DLGAP1: variants seen among roughly 807,000 people sequenced by gnomAD.
The protein encoded by DLGAP1 is disks large-associated protein 1.
Under a neutral mutation model 90.8 loss-of-function variants are expected in DLGAP1, and 11 were observed. That is an observed-to-expected ratio of 0.12 (90% CI 0.08 to 0.20). The LOEUF is 0.20. Among genes scored for constraint, DLGAP1 ranks in the 10% least tolerant of loss-of-function variants. The probability of loss-of-function intolerance (pLI) is 1.00; values close to 1 mark genes in which losing one functional copy is unlikely to be tolerated. For synonymous variants in DLGAP1, 558 were observed against 540.7 expected (o/e 1.03, Z -0.44); for missense variants, 1,050 against 1,333.8 (o/e 0.79, Z 3.31).
chr18:4,139,441 G>A (rs1046872522), intron 2 of DLGAP1, among the ~76,000 whole-genome samples: 5 of 151,834 alleles, frequency 3.3e-5, no homozygotes, highest in Admixed American at 2.0e-4. Flanking sequence ...AAAGTTCCTC[G>A]TTATTGATTT....
chr18:3,787,852 A>G (rs1357545951), intron 5 of DLGAP1, among the ~76,000 whole-genome samples: 5 of 152,142 alleles, frequency 3.3e-5, no homozygotes, highest in Non-Finnish European at 7.4e-5. Context: ...CTCTTGCAAA[A>G]CACAGGATGA....
intron 7 of DLGAP1, among the ~76,000 whole-genome samples, chr18:3,697,760 A>G (rs2061143654): frequency 6.6e-6 from 1 of 152,056 alleles, no homozygotes; most frequent in Admixed American, 6.6e-5. Flanking sequence ...TGTCTCATTG[A>G]TCTGTCTAAT....
chr18:3,779,018 G>A (rs2065065780), intron 5 of DLGAP1, among the ~76,000 whole-genome samples: 1 of 152,008 alleles, frequency 6.6e-6, no homozygotes, highest in Non-Finnish European at 1.5e-5. Context: ...ATCCCCCCAC[G>A]ACCCAGGCCC....
At chr18:3,792,023 C>T (rs1353211840) in intron 5 of DLGAP1, among the ~76,000 whole-genome samples, 2 of 152,252 alleles carry the variant, frequency 1.3e-5, no homozygotes, top group Non-Finnish European at 2.9e-5. Flanking sequence ...ACCCCCCACC[C>T]CACTATAGCT....
rs894727169 is a variant in DLGAP1 at position 4,342,785 on chromosome 18, G to A, written c.-267+112221C>T. Among the ~76,000 whole-genome samples, 1 of 152,070 alleles carries A rather than the reference G, an allele frequency of 6.6e-6. No homozygotes were observed. Among genetic ancestry groups the A allele is most frequent in the Admixed American group, 6.6e-5 (1 of 15,262 alleles). On this transcript the variant is annotated intron_variant, in intron 1 of 12. Coordinates refer to ENST00000315677, the MANE Select transcript of DLGAP1 (RefSeq NM_004746.4). The surrounding 1 kb of genome is among the most constrained non-coding windows in gnomAD (Gnocchi z 5.8). ...ACACTGGAAATAAACCCCCCAAAAT[G>A]AAGAATATTTAATAGACAGAAAATC...
intron 1 of DLGAP1, among the ~76,000 whole-genome samples, chr18:4,373,910 A>C (rs905717695): frequency 6.6e-6 from 1 of 152,168 alleles, no homozygotes; most frequent in African/African-American, 2.4e-5. Flanking sequence ...TTTTGGATAT[A>C]TTGTTTTAAG....
chr18:4,081,381 A>G (rs551014257), intron 2 of DLGAP1, among the ~76,000 whole-genome samples: 6 of 151,826 alleles, frequency 4.0e-5, no homozygotes, highest in Non-Finnish European at 8.8e-5. Flanking sequence ...CAGAGGGGCC[A>G]AGTGAAAAAG....
intron 3 of DLGAP1, among the ~76,000 whole-genome samples, chr18:3,961,190 G>A (rs1476398514): frequency 6.6e-6 from 1 of 152,056 alleles, no homozygotes; most frequent in Non-Finnish European, 1.5e-5. Flanking sequence ...ACTGAGCAAG[G>A]AAGGGAGCAT....
At chr18:4,125,407 C>T (rs2076217716) in intron 2 of DLGAP1, among the ~76,000 whole-genome samples, 1 of 152,140 alleles carries the variant, frequency 6.6e-6, no homozygotes, top group Non-Finnish European at 1.5e-5. Flanking sequence ...ATTCACCAGA[C>T]AAAGGAGAGA....
intron 2 of DLGAP1, among the ~76,000 whole-genome samples, chr18:4,125,572 G>T (rs1215185075): frequency 1.3e-5 from 2 of 152,178 alleles, no homozygotes; most frequent in African/African-American, 4.8e-5. Context: ...GTCTGCATGA[G>T]ACATGGTCAG....
At chr18:3,874,217 A>G in intron 4 of DLGAP1, 2 of 1,549,982 alleles carry the variant, frequency 1.3e-6, no homozygotes, top group African/African-American at 1.4e-5. Context: ...CAGCCTTAAA[A>G]AGGTCGATCA....
intron 3 of DLGAP1, among the ~76,000 whole-genome samples, chr18:3,946,312 A>T (rs1449314439): frequency 6.6e-6 from 1 of 152,194 alleles, no homozygotes; most frequent in Non-Finnish European, 1.5e-5. Flanking sequence ...CATGAAGTAT[A>T]GGGACTGTAG....
intron 2 of DLGAP1, among the ~76,000 whole-genome samples, chr18:4,150,877 T>C (rs142808167): frequency 5.4e-4 from 83 of 152,294 alleles, no homozygotes; most frequent in Middle Eastern, 6.8e-3. Flanking sequence ...TGTACAATAT[T>C]TGGGTCCACA....
chr18:4,012,711 T>C (rs940616474), intron 2 of DLGAP1, among the ~76,000 whole-genome samples: 16 of 150,338 alleles, frequency 1.1e-4, no homozygotes, highest in African/African-American at 3.2e-4. Flanking sequence ...AACAGATTGC[T>C]CCTGTTCTTT....
chr18:3,751,544 T>G (rs143493598), intron 5 of DLGAP1, among the ~76,000 whole-genome samples: 2,865 of 150,774 alleles, frequency 0.019, 47 homozygotes, highest in Middle Eastern at 0.086. Context: ...GTGATCCTCC[T>G]GTGACCCGAC....
chr18:3,868,450 A>G (rs960286891), intron 4 of DLGAP1, among the ~76,000 whole-genome samples: 5 of 152,162 alleles, frequency 3.3e-5, no homozygotes, highest in Admixed American at 6.5e-5. Flanking sequence ...AGGGGATGCT[A>G]GCCAGATGGA....
intron 2 of DLGAP1, among the ~76,000 whole-genome samples, chr18:4,108,279 G>A (rs73384787): frequency 0.07 from 10,608 of 152,164 alleles, 1,180 homozygotes; most frequent in African/African-American, 0.23. Context: ...GCCTTGTTCA[G>A]TTCCCCCAGC....
intron 1 of DLGAP1, among the ~76,000 whole-genome samples, chr18:4,189,617 CCTAAG>C (rs2144721395): frequency 1.3e-5 from 2 of 152,166 alleles, no homozygotes; most frequent in African/African-American, 4.8e-5. Flanking sequence ...ACAACCAATT[CCTAAG>C]TTTATATGGA....
chr18:3,806,389 A>G lies in DLGAP1; in HGVS notation c.1172+7670T>C, dbSNP rs2066561857. Among the ~76,000 whole-genome samples, 4 of 151,906 alleles carry G rather than the reference A, an allele frequency of 2.6e-5. No individual in the cohort carries two copies. In the South Asian group the frequency reaches 8.3e-4, roughly 32 times the overall value. On this transcript the variant is annotated intron_variant, in intron 5 of 12. Transcript: ENST00000315677. ...TAGTGCCTGCTTTTGCCATTCTTAGACTCGTGTGTGTGTATGTGTCTGTGT... is the reference window on the plus strand; with the variant it reads ...TAGTGCCTGCTTTTGCCATTCTTAGGCTCGTGTGTGTGTATGTGTCTGTGT...
Sources: gnomAD v4.1 joint callset for allele counts (sites outside exome capture counted in the v4.1 genomes callset) on GRCh38, gnomAD v4.1.1 for gene constraint, Gnocchi (gnomAD v3.1) non-coding constraint, MANE v1.5 for transcripts, NCBI Gene and HGNC (gene_info 2026-07-23, HGNC 2026-07-21) for gene names.